Variants in RALGPS1 observed in about 807,000 individuals in gnomAD.
RALGPS1 encodes the protein ras-specific guanine nucleotide-releasing factor RalGPS1.
Under a neutral mutation model 78.8 loss-of-function variants are expected in RALGPS1, and 19 were observed. The ratio of observed to expected loss-of-function variants is 0.24; its 90% CI spans 0.17 to 0.35. RALGPS1 has a LOEUF of 0.35. Among genes scored for constraint, RALGPS1 ranks in the 10% least tolerant of loss-of-function variants. RALGPS1 has a pLI of 1.00. For synonymous variants in RALGPS1, 228 were observed against 256.3 expected (o/e 0.89, Z 1.06); for missense variants, 454 against 688.3 (o/e 0.66, Z 3.81).
chr9:127,018,926 G>A (rs2045171322), intron 4 of RALGPS1, among the ~76,000 whole-genome samples: 1 of 152,026 alleles, frequency 6.6e-6, no homozygotes, highest in African/African-American at 2.4e-5. Context: ...TTGTATATGT[G>A]GTCCATTGTT....
intron 4 of RALGPS1, among the ~76,000 whole-genome samples, chr9:126,988,608 A>G (rs17446434): frequency 0.38 from 57,486 of 151,932 alleles, 12,689 homozygotes; most frequent in Non-Finnish European, 0.48. Context: ...CCGTGGACAG[A>G]TTTGTATTTT....
intron 6 of RALGPS1, 87 bp from the exon 7 acceptor site, chr9:127,052,760 A>G: frequency 1.2e-6 from 1 of 837,670 alleles, no homozygotes; most frequent in Non-Finnish European, 2.0e-6. Context: ...ATTGAATTTC[A>G]TAAATATGAC....
At chr9:127,073,950 C>G (rs947786647) in intron 8 of RALGPS1, among the ~76,000 whole-genome samples, 2 of 152,114 alleles carry the variant, frequency 1.3e-5, no homozygotes, top group Non-Finnish European at 2.9e-5. Flanking sequence ...GGCGCCGTCT[C>G]GGCTCACTGC....
At chr9:127,057,362 C>T (rs2048830742) in intron 7 of RALGPS1, among the ~76,000 whole-genome samples, 1 of 152,192 alleles carries the variant, frequency 6.6e-6, no homozygotes. Flanking sequence ...AAGGGAGTTA[C>T]AGGTGTGGGA....
chr9:126,982,994 T>C (rs1267670385), intron 4 of RALGPS1, among the ~76,000 whole-genome samples: 1 of 133,890 alleles, frequency 7.5e-6, no homozygotes, highest in African/African-American at 2.8e-5. Context: ...TGGAGTGCAG[T>C]GGCATGATCT....
chr9:126,945,825 G>T (rs755400873), intron 1 of RALGPS1, among the ~76,000 whole-genome samples: 3 of 152,212 alleles, frequency 2.0e-5, no homozygotes, highest in Non-Finnish European at 4.4e-5. Flanking sequence ...GTGTGATAAG[G>T]TCGTTCCCTG....
At chr9:126,997,860 A>G (rs1313081250) in intron 4 of RALGPS1, among the ~76,000 whole-genome samples, 1 of 152,180 alleles carries the variant, frequency 6.6e-6, no homozygotes, top group Non-Finnish European at 1.5e-5. Context: ...CTCAGAAACA[A>G]TGCTTCGTAT....
intron 8 of RALGPS1, among the ~76,000 whole-genome samples, chr9:127,127,445 G>A (rs971794302): frequency 1.8e-4 from 27 of 152,248 alleles, no homozygotes; most frequent in African/African-American, 2.6e-4. Context: ...TTCTGTACCC[G>A]TTCTGCTGTT....
In RALGPS1 at chr9:126,962,287, A is replaced by G; in HGVS notation, c.-3A>G. 1 of 1,614,050 alleles carries G rather than the reference A, an allele frequency of 6.2e-7. No individual in the cohort carries two copies. Among genetic ancestry groups the G allele is most frequent in the Non-Finnish European group, 8.5e-7 (1 of 1,179,966 alleles). On this transcript the variant is annotated 5_prime_UTR_variant, in exon 2 of 19. Transcript: ENST00000259351. Reference sequence around the variant, plus strand: ...CCCTGAAGCTCCCTGTGGCCTGGAGACTATGTACAAGAGGAATGGTCTGAT... The same window carrying G: ...CCCTGAAGCTCCCTGTGGCCTGGAGGCTATGTACAAGAGGAATGGTCTGAT...
Position 127,199,214 on chromosome 9 carries a change from G to C in RALGPS1, c.1247+148G>C, listed in dbSNP as rs1476646059. The C allele has an allele frequency of 5.1e-6, 4 of 785,430 alleles. No homozygotes were observed. The African/African-American group carries it at 6.8e-5, about 13-fold the overall frequency. 48.7% of individuals were successfully genotyped at this position (785,430 alleles called of 1,614,324 possible). A position where few individuals can be genotyped will look rare whatever the true frequency, so the allele number is the denominator to read the frequency against. Reference sequence around the variant, plus strand: ...CCTTCAGCAGACTGGCTGGGGCAGGGCTGAGTAGGAGGGAGGATGGAAGAG... The same window carrying C: ...CCTTCAGCAGACTGGCTGGGGCAGGCCTGAGTAGGAGGGAGGATGGAAGAG... On this transcript the variant is annotated intron_variant, in intron 14 of 18. Coordinates refer to ENST00000259351, the MANE Select transcript of RALGPS1 (RefSeq NM_014636.3).
chr9:126,921,756 C>T (rs772560944), intron 1 of RALGPS1, among the ~76,000 whole-genome samples: 2 of 152,138 alleles, frequency 1.3e-5, no homozygotes, highest in Admixed American at 6.5e-5. Context: ...TGAGATAGTA[C>T]GCGCCTTTGT....
chr9:127,016,016 TTC>T (rs889873775), intron 4 of RALGPS1, among the ~76,000 whole-genome samples: 2 of 152,044 alleles, frequency 1.3e-5, no homozygotes, highest in Non-Finnish European at 2.9e-5. Flanking sequence ...TCCTTCTCTC[TTC>T]TCTCTGTCTC....
intron 1 of RALGPS1, among the ~76,000 whole-genome samples, chr9:126,921,648 C>G (rs1564254341): frequency 6.6e-6 from 1 of 152,192 alleles, no homozygotes; most frequent in Non-Finnish European, 1.5e-5. Flanking sequence ...GGAGTTGGGA[C>G]ACAAACAGAT....
intron 3 of RALGPS1, among the ~76,000 whole-genome samples, chr9:126,966,546 T>C (rs1483585722): frequency 6.9e-6 from 1 of 144,886 alleles, no homozygotes; most frequent in Non-Finnish European, 1.5e-5. Flanking sequence ...AAAAAAAGCA[T>C]GTACAACACA....
intron 11 of RALGPS1, among the ~76,000 whole-genome samples, chr9:127,190,292 C>G (rs2060953307): frequency 6.6e-6 from 1 of 152,202 alleles, no homozygotes; most frequent in South Asian, 2.1e-4. Context: ...TTGCAACTTA[C>G]TCTCTCCACT....
At chr9:127,203,749 A>C (rs2061776112) in intron 14 of RALGPS1, among the ~76,000 whole-genome samples, 1 of 152,238 alleles carries the variant, frequency 6.6e-6, no homozygotes, top group South Asian at 2.1e-4. Context: ...GGCGACCTGC[A>C]TGAGGCACCA....
At chr9:127,019,116 A>G (rs1185154465) in intron 4 of RALGPS1, among the ~76,000 whole-genome samples, 1 of 152,184 alleles carries the variant, frequency 6.6e-6, no homozygotes, top group East Asian at 1.9e-4. Context: ...GGCCTTTCGC[A>G]ACCAGGATTT....
chr9:126,921,750 A>T (rs986428075), intron 1 of RALGPS1, among the ~76,000 whole-genome samples: 1 of 152,200 alleles, frequency 6.6e-6, no homozygotes, highest in African/African-American at 2.4e-5. Flanking sequence ...AAGAGGTGAG[A>T]TAGTACGCGC....
At chr9:127,174,063 C>T (rs2059705991) in intron 10 of RALGPS1, among the ~76,000 whole-genome samples, 2 of 151,768 alleles carry the variant, frequency 1.3e-5, no homozygotes, top group Non-Finnish European at 1.5e-5. Context: ...AGATTGAGAC[C>T]ATCCTGGCCA....
Sources: allele counts gnomAD v4.1 joint callset (sites outside exome capture counted in the v4.1 genomes callset), GRCh38; gene constraint gnomAD v4.1.1; transcripts MANE v1.5; gene names NCBI Gene and HGNC (gene_info 2026-07-23, HGNC 2026-07-21).